Variants in WRN observed in about 807,000 individuals in gnomAD.
The protein encoded by WRN is WRN RecQ like helicase.
WRN carries 149 observed loss-of-function variants against 180.7 expected under a neutral mutation model. That is an observed-to-expected ratio of 0.82 (90% confidence interval 0.72 to 0.94). WRN has a LOEUF of 0.94. WRN is among the 40% of genes least tolerant of loss of function. WRN has a pLI of 0.00. For synonymous variants in WRN, 548 were observed against 568.9 expected (o/e 0.96, Z 0.52); for missense variants, 1,661 against 1,700.1 (o/e 0.98, Z 0.40).
chr8:31,170,313 TTTC>T (rs1234051652), intron 34 of WRN, among the ~76,000 whole-genome samples: 1 of 152,148 alleles, frequency 6.6e-6, no homozygotes, highest in Non-Finnish European at 1.5e-5. Context: ...ATGTCATTTT[TTTC>T]TTCTTATTTT....
chr8:31,093,220 A>G (rs949336253), intron 16 of WRN, among the ~76,000 whole-genome samples: 9 of 152,238 alleles, frequency 5.9e-5, no homozygotes, highest in South Asian at 2.1e-4. Flanking sequence ...TGAGACACAT[A>G]TAAGTCTTTG....
rs569971161 is a variant in WRN at position 31,168,494 on chromosome 8, C to T, written c.4191+1264C>T. 1.6e-4 allele frequency among the ~76,000 whole-genome samples: 17 copies of T among 107,654 alleles called. 1 individual carries two copies. In the South Asian group the frequency reaches 5.2e-3, roughly 33 times the overall value. The allele number at this position is 107,654 out of a possible 152,430, so 70.6% of individuals were successfully genotyped here. On this transcript the variant is annotated intron_variant, in intron 34 of 34. Coordinates refer to ENST00000298139, the MANE Select transcript of WRN (RefSeq NM_000553.6). ...TCGCTATTTCAGTAACATTACATGTCAACAAGAGAATGGTGGGTATTTTGG... is the reference window on the plus strand; with the variant it reads ...TCGCTATTTCAGTAACATTACATGTTAACAAGAGAATGGTGGGTATTTTGG...
At chr8:31,103,360 A>G (rs1351358304) in intron 18 of WRN, among the ~76,000 whole-genome samples, 1 of 152,242 alleles carries the variant, frequency 6.6e-6, no homozygotes, top group Non-Finnish European at 1.5e-5. Flanking sequence ...TGTATGTGCT[A>G]TACTTTTTAA....
intron 18 of WRN, among the ~76,000 whole-genome samples, chr8:31,101,369 A>G (rs574415506): frequency 6.6e-6 from 1 of 152,204 alleles, no homozygotes; most frequent in Non-Finnish European, 1.5e-5. Context: ...TTACTCTAGG[A>G]TGCTGTGAAA....
rs552569193 is a variant in WRN, at chr8:31,107,282, T to C, written c.2089-4333T>C. 4.6e-5 allele frequency among the ~76,000 whole-genome samples: 7 copies of C among 152,338 alleles called. 1 individual carries two copies. The highest frequency in any genetic ancestry group is 1.7e-4 in the African/African-American group (7 of 41,562). ...ATTTAGAATGGTTTAAAGTAAGCTT[T>C]TGGAAACTAGGAAGATTACTTTCTG... On this transcript the variant is annotated intron_variant, in intron 18 of 34. Transcript: ENST00000298139.
intron 1 of WRN, among the ~76,000 whole-genome samples, chr8:31,050,076 A>G (rs909962998): frequency 8.5e-5 from 13 of 152,268 alleles, no homozygotes; most frequent in African/African-American, 3.1e-4. Flanking sequence ...TCAAAGCAGA[A>G]TTTTCCAAAT....
chr8:31,056,196 GT>G (rs1812265075), intron 1 of WRN, among the ~76,000 whole-genome samples: 1 of 152,138 alleles, frequency 6.6e-6, no homozygotes, highest in African/African-American at 2.4e-5. Flanking sequence ...GTCTACAGGT[GT>G]TTTTATAAAG....
intron 1 of WRN, among the ~76,000 whole-genome samples, chr8:31,053,816 TA>T (rs1309722962): frequency 1.3e-5 from 2 of 152,212 alleles, no homozygotes; most frequent in African/African-American, 4.8e-5. Flanking sequence ...TTAATAGTAC[TA>T]GTAGAGGAAA....
intron 22 of WRN, 70 bp from the exon 23 acceptor site, chr8:31,124,835 CATT>C (rs1801856227): frequency 7.0e-7 from 1 of 1,433,154 alleles, no homozygotes; most frequent in Non-Finnish European, 9.8e-7. Flanking sequence ...GATTTTACCT[CATT>C]ATTTTCAGGA....
At chr8:31,058,349 A>T (rs949896878) in intron 1 of WRN, 23 bp from the exon 2 acceptor site, 1 of 987,506 alleles carries the variant, frequency 1.0e-6, no homozygotes, top group Non-Finnish European at 1.6e-6. Context: ...GTTTTCATTC[A>T]TATTGACAGT....
At chr8:31,064,177 C>A in intron 3 of WRN, 112 bp from the exon 4 acceptor site, 1 of 1,188,274 alleles carries the variant, frequency 8.4e-7, no homozygotes, top group Non-Finnish European at 1.2e-6. Flanking sequence ...GTATGTGCTC[C>A]AGATAACTTG....
chr8:31,039,412 T>A (rs1236935435), intron 1 of WRN, among the ~76,000 whole-genome samples: 2 of 152,206 alleles, frequency 1.3e-5, no homozygotes, highest in Non-Finnish European at 2.9e-5. Context: ...AACGTTGATG[T>A]TGTACTCTGA....
intron 2 of WRN, 82 bp from the exon 3 acceptor site, chr8:31,059,071 C>A: frequency 9.9e-7 from 1 of 1,007,852 alleles, no homozygotes; most frequent in Non-Finnish European, 1.6e-6. Flanking sequence ...AAATTGAATG[C>A]TTCAGTGAAC....
At chr8:31,111,193 G>A (rs1380486572) in intron 18 of WRN, among the ~76,000 whole-genome samples, 1 of 151,992 alleles carries the variant, frequency 6.6e-6, no homozygotes, top group Non-Finnish European at 1.5e-5. Flanking sequence ...TATATAGTTA[G>A]ATTTTCAGTG....
At position 31,090,526 on chromosome 8, in the gene WRN, G is replaced by C. The variant is rs778636025; in HGVS notation, c.1714G>C (p.Ala572Pro). 1 of 1,611,890 alleles carries C rather than the reference G, an allele frequency of 6.2e-7. No homozygotes were observed. The highest frequency in any genetic ancestry group is 2.2e-5 in the East Asian group (1 of 44,724). ...EERRDNVAVM[A>P]TGYGKSLCFQ... is the part of the protein sequence containing the mutation. ...AAGAAGAGATAATGTTGCTGTCATG[G>C]CAACTGGTAAGTTGTACTTAAGCAA... Residue 572 changes from alanine to proline, a missense_variant, in exon 14 of 35, where the codon GCA (alanine) becomes CCA (proline). Ala to Pro is a conservative substitution (Grantham distance 27). Transcript: ENST00000298139.
rs577528125 is a variant in WRN at position 31,107,071 on chromosome 8, T to C, written c.2089-4544T>C. On this transcript the variant is annotated intron_variant, in intron 18 of 34. Coordinates refer to ENST00000298139, the MANE Select transcript of WRN (RefSeq NM_000553.6). ...ATAATTTCTGCCCTCAGGTAGCTCA[T>C]AGTTCAGTAAAGGAGTTTAGATTCA... Among the ~76,000 whole-genome samples, 201 of 152,330 alleles carry C rather than the reference T, an allele frequency of 1.3e-3. 1 individual carries two copies. The highest frequency in any genetic ancestry group is 6.8e-3 in the Middle Eastern group (2 of 294).
At chr8:31,116,643 T>C (rs1051542497) in intron 20 of WRN, 115 bp downstream of exon 20, 1 of 1,409,654 alleles carries the variant, frequency 7.1e-7, no homozygotes, top group African/African-American at 1.4e-5. Context: ...CATAAAGCAG[T>C]CCCTCTGATA....
intron 1 of WRN, among the ~76,000 whole-genome samples, chr8:31,047,256 C>T (rs1319749436): frequency 6.6e-6 from 1 of 152,034 alleles, no homozygotes; most frequent in African/African-American, 2.4e-5. Flanking sequence ...GATCCTCCCA[C>T]CTCAGTCTCC....
chr8:31,093,473 T>G (rs1754386843), intron 16 of WRN, among the ~76,000 whole-genome samples: 1 of 152,242 alleles, frequency 6.6e-6, no homozygotes, highest in South Asian at 2.1e-4. Context: ...TAGCACAGTT[T>G]GTTTTTACAT....
Sources: allele counts gnomAD v4.1 joint callset (sites outside exome capture counted in the v4.1 genomes callset), GRCh38; gene constraint gnomAD v4.1.1; transcripts MANE v1.5; gene names NCBI Gene and HGNC (gene_info 2026-07-23, HGNC 2026-07-21).